The following SHC3 variants were observed in gnomAD, a reference collection of about 807,000 sequenced individuals.
SHC3 encodes the protein SHC-transforming protein 3.
Under a neutral mutation model 60.4 loss-of-function variants are expected in SHC3, and 15 were observed. The ratio of observed to expected loss-of-function variants is 0.25; its 90% CI spans 0.17 to 0.38. The LOEUF is 0.38. SHC3 is among the 10% of genes least tolerant of loss of function. The probability of loss-of-function intolerance (pLI) is 1.00; values close to 1 mark genes in which losing one functional copy is unlikely to be tolerated. For synonymous variants in SHC3, 294 were observed against 325.9 expected, an observed-to-expected ratio of 0.90 and a Z score of 1.05; for missense variants, 677 against 786.1, an observed-to-expected ratio of 0.86 and a Z score of 1.66.
intron 1 of SHC3, among the ~76,000 whole-genome samples, chr9:89,160,713 A>G (rs1201886881): frequency 1.3e-5 from 2 of 152,208 alleles, no homozygotes; most frequent in Non-Finnish European, 2.9e-5. Context: ...GGCTGTCATT[A>G]AAGTTGAGTC....
At chr9:89,139,575 T>G (rs1826363893) in intron 1 of SHC3, among the ~76,000 whole-genome samples, 1 of 152,206 alleles carries the variant, frequency 6.6e-6, no homozygotes, top group Non-Finnish European at 1.5e-5. Flanking sequence ...CCTTTCCTTT[T>G]GAAATCCCAA....
chr9:89,032,827 G>C (rs1824512615), intron 11 of SHC3, among the ~76,000 whole-genome samples: 1 of 152,078 alleles, frequency 6.6e-6, no homozygotes, highest in Non-Finnish European at 1.5e-5. Flanking sequence ...TATAGTCAGG[G>C]ACCAACCAAT....
chr9:89,077,305 A>G (rs1162058100), intron 3 of SHC3, among the ~76,000 whole-genome samples: 2 of 152,256 alleles, frequency 1.3e-5, no homozygotes, highest in African/African-American at 4.8e-5. Context: ...CCTGTATGGC[A>G]GAAACATTAT....
chr9:89,065,412 A>G, intron 6 of SHC3, 117 bp downstream of exon 6: 1 of 1,075,886 alleles, frequency 9.3e-7, no homozygotes, highest in Admixed American at 1.9e-5. Context: ...CCTTAGTAAT[A>G]CAAGATGGCA....
intron 1 of SHC3, among the ~76,000 whole-genome samples, chr9:89,120,735 ATAGAGTT>A (rs1375330534): frequency 2.5e-4 from 38 of 152,304 alleles, no homozygotes; most frequent in African/African-American, 8.9e-4. Flanking sequence ...TCTTTCCCAT[ATAGAGTT>A]TAGAGTCTGG....
At chr9:89,128,447 C>T (rs1239063386) in intron 1 of SHC3, among the ~76,000 whole-genome samples, 1 of 152,176 alleles carries the variant, frequency 6.6e-6, no homozygotes, top group Admixed American at 6.5e-5. Context: ...GACAGACTAC[C>T]TCCTCAAGTG....
intron 11 of SHC3, among the ~76,000 whole-genome samples, chr9:89,018,896 C>T (rs35151892): frequency 0.027 from 4,148 of 151,160 alleles, 87 homozygotes; most frequent in Non-Finnish European, 0.041. Flanking sequence ...TCTCTACCAA[C>T]AAAAATTCAA....
intron 2 of SHC3, among the ~76,000 whole-genome samples, chr9:89,086,293 C>A (rs1825528995): frequency 6.6e-6 from 1 of 152,166 alleles, no homozygotes; most frequent in Non-Finnish European, 1.5e-5. Flanking sequence ...AATAAAGTCC[C>A]AGTTTATTTT....
At chr9:89,161,546 C>T (rs988875279) in intron 1 of SHC3, among the ~76,000 whole-genome samples, 1 of 152,200 alleles carries the variant, frequency 6.6e-6, no homozygotes, top group African/African-American at 2.4e-5. Flanking sequence ...CATGGCCTTA[C>T]ATCATGTCCT....
chr9:89,164,603 G>A (rs1826759548), intron 1 of SHC3, among the ~76,000 whole-genome samples: 1 of 151,980 alleles, frequency 6.6e-6, no homozygotes, highest in Admixed American at 6.6e-5. Flanking sequence ...AAGCAGCAGA[G>A]AGCTTTTAAT....
At chr9:89,091,476 C>T (rs544538727) in intron 2 of SHC3, among the ~76,000 whole-genome samples, 2 of 152,134 alleles carry the variant, frequency 1.3e-5, no homozygotes, top group African/African-American at 2.4e-5. Context: ...AAAATCCATA[C>T]ATACAAAGTA....
rs1400356266 is a variant in SHC3 at position 89,077,850 on chromosome 9, T to A, written c.599A>T (p.Lys200Met). The change falls in exon 3 of 12, where the codon AAG becomes ATG. Residue 200 changes from lysine to methionine, a missense_variant. By Grantham distance (95) the Lys-to-Met change is moderately conservative (BLOSUM62 -1). Coordinates refer to ENST00000375835, the MANE Select transcript of SHC3 (RefSeq NM_016848.6). The stretch of plus-strand genomic sequence containing the variant: ...CATTGAGGACAGTACCTTTCTCTTC[T>A]TGAAGGCTCCCTTCGCACCAGGCAC... ...EAVPGAKGAFKKRKPPSKMLS... is the reference protein window; with the variant it reads ...EAVPGAKGAFMKRKPPSKMLS... The A allele has an allele frequency of 1.2e-6, 2 of 1,614,198 alleles. No individual in the cohort carries two copies. Among genetic ancestry groups the A allele is most frequent in the Admixed American group, 1.7e-5 (1 of 60,032 alleles).
At chr9:89,049,921 G>C (rs951908038) in intron 7 of SHC3, among the ~76,000 whole-genome samples, 7 of 151,990 alleles carry the variant, frequency 4.6e-5, no homozygotes, top group African/African-American at 1.7e-4. Context: ...TGGAGTCACC[G>C]AGTCTACTCT....
chr9:89,015,771 G>C (rs975161668), intron 11 of SHC3, among the ~76,000 whole-genome samples: 5 of 152,208 alleles, frequency 3.3e-5, no homozygotes, highest in African/African-American at 1.2e-4. Flanking sequence ...TTCTGCCACA[G>C]TGAAGACACA....
Position 89,112,635 on chromosome 9 carries a change from G to A in SHC3, c.475-9C>T, listed in dbSNP as rs1289334269. 2 of 1,577,052 alleles carry A rather than the reference G, an allele frequency of 1.3e-6. No homozygotes were observed. The highest frequency in any genetic ancestry group is 8.6e-7 in the Non-Finnish European group (1 of 1,165,266). ...TCAATGCACCCCAAGTACTGCAAGG[G>A]GAAAAAATGTAAATCGTGAGCCCTG... On this transcript the variant is annotated splice_polypyrimidine_tract_variant and intron_variant, in intron 1 of 11. Coordinates refer to ENST00000375835, the MANE Select transcript of SHC3 (RefSeq NM_016848.6).
chr9:89,038,930 G>C (rs1004115613), intron 10 of SHC3, among the ~76,000 whole-genome samples: 1 of 152,194 alleles, frequency 6.6e-6, no homozygotes, highest in African/African-American at 2.4e-5. Context: ...ACCATACTTG[G>C]TTTCATCCCC....
chr9:89,095,632 A>G (rs1441681861), intron 2 of SHC3, among the ~76,000 whole-genome samples: 1 of 152,136 alleles, frequency 6.6e-6, no homozygotes, highest in Non-Finnish European at 1.5e-5. Flanking sequence ...CAACTTAAAA[A>G]TAAGTAGCAA....
At chr9:89,112,681 A>G in intron 1 of SHC3, 55 bp from the exon 2 acceptor site, 1 of 1,492,612 alleles carries the variant, frequency 6.7e-7, no homozygotes, top group Non-Finnish European at 9.0e-7. Flanking sequence ...TAAAGAGACA[A>G]CTCCTAACTA....
intron 2 of SHC3, chr9:89,109,463 G>A: frequency 1.0e-6 from 1 of 985,532 alleles, no homozygotes; most frequent in Non-Finnish European, 1.2e-6. Context: ...AAAGGATTGT[G>A]TGGTGAAAGT....
Sources: allele counts gnomAD v4.1 joint callset (sites outside exome capture counted in the v4.1 genomes callset), GRCh38; gene constraint gnomAD v4.1.1; transcripts MANE v1.5; gene names NCBI Gene and HGNC (gene_info 2026-07-23, HGNC 2026-07-21).